The following FKBP10 variants were observed in gnomAD, a reference collection of about 807,000 sequenced individuals.
The protein encoded by FKBP10 is FKBP prolyl isomerase 10.
In FKBP10, 34 loss-of-function variants were observed where a neutral mutation model predicts 53.7. The observed-to-expected ratio is 0.63, with a 90% confidence interval of 0.48 to 0.84. The LOEUF (loss-of-function observed/expected upper bound fraction) is 0.84. Among genes scored for constraint, FKBP10 ranks in the 40% least tolerant of loss-of-function variants. The pLI, the probability that FKBP10 is intolerant of heterozygous loss-of-function variation, is 0.00. For missense variants in FKBP10, 748 were observed against 797.8 expected (o/e 0.94, Z 0.75); for synonymous variants, 324 against 335.7 (o/e 0.97, Z 0.38).
At position 41,820,961 on chromosome 17, in the gene FKBP10, C is replaced by T. The variant is rs782550716; in HGVS notation, c.1271C>T (p.Ala424Val). Residue 424 changes from alanine to valine, a missense_variant, in exon 8 of 10, where the codon GCC becomes GTC. By Grantham distance (64) the Ala-to-Val change is moderately conservative. Transcript: ENST00000321562. ...TQLFTSHDYG[A>V]PQEATLGANK... ...CTCTCCCCCAGGCATGACTACGGGGCCCCCCAGGAGGCGACTCTCGGGGCC... is the reference window on the plus strand; with the variant it reads ...CTCTCCCCCAGGCATGACTACGGGGTCCCCCAGGAGGCGACTCTCGGGGCC... 1.2e-5 allele frequency: 20 copies of T among 1,611,810 alleles called. No homozygotes were observed. The highest frequency in any genetic ancestry group is 1.7e-4 in the Middle Eastern group (1 of 6,024).
chr17:41,820,937 T>C lies in FKBP10; in HGVS notation c.1257-10T>C, dbSNP rs1555616937. 1.2e-6 allele frequency: 2 copies of C among 1,610,574 alleles called. No homozygotes were observed. Among genetic ancestry groups the C allele is most frequent in the Non-Finnish European group, 8.5e-7 (1 of 1,178,998 alleles). ...GGTGGCTGCTGACCTGGGCATCTGC[T>C]CTCCCCCAGGCATGACTACGGGGCC... On this transcript the variant is annotated splice_polypyrimidine_tract_variant and intron_variant, in intron 7 of 9. Coordinates refer to ENST00000321562, the MANE Select transcript of FKBP10 (RefSeq NM_021939.4).
At chr17:41,820,612 C>T (rs1195472780) in intron 7 of FKBP10, 151 bp downstream of exon 7, 2 of 828,550 alleles carry the variant, frequency 2.4e-6, no homozygotes, top group African/African-American at 1.7e-5. Context: ...AAGTCCCCAT[C>T]TCGGAGCATG....
chr17:41,819,563 C>A lies in FKBP10; in HGVS notation c.951C>A (p.Ile317=). The change falls in exon 6 of 10, where the codon ATC becomes ATA. Residue 317 remains isoleucine, a synonymous_variant. Transcript: ENST00000321562. ...GCAACCACACCTACAATACCTATAT[C>A]GGGCAGGGTTACATCATCCCCGGGA... is the stretch of plus-strand genomic sequence containing the variant. The part of the protein sequence containing the change: ...YSRNHTYNTY[I]GQGYIIPGMD... 6.2e-7 allele frequency: 1 copy of A among 1,614,130 alleles called. No homozygotes were observed. The highest frequency in any genetic ancestry group is 8.5e-7 in the Non-Finnish European group (1 of 1,180,016).
At position 41,818,383 on chromosome 17, in the gene FKBP10, T is replaced by C. The variant is rs1006871209; in HGVS notation, c.583T>C (p.Tyr195His). The change falls in exon 4 of 10, where the codon TAC becomes CAC. Residue 195 changes from tyrosine to histidine, a missense_variant and splice_region_variant. By Grantham distance (83) the Tyr-to-His change is moderately conservative (BLOSUM62 2). Coordinates refer to ENST00000321562, the MANE Select transcript of FKBP10 (RefSeq NM_021939.4). ...LLDGTSFDTS[Y>H]SKGGTYDTYV... ...CCACCTCCACCTCATTTTCTGCAGC[T>C]ACAGTAAGGGCGGCACTTATGACAC... The C allele has an allele frequency of 3.1e-6, 5 of 1,614,174 alleles. No homozygotes were observed. The highest frequency in any genetic ancestry group is 1.6e-4 in the Middle Eastern group (1 of 6,062).
At chr17:41,814,651 G>T (rs2144046057) in intron 1 of FKBP10, among the ~76,000 whole-genome samples, 1 of 152,312 alleles carries the variant, frequency 6.6e-6, no homozygotes, top group African/African-American at 2.4e-5. Context: ...CTGAGCCCTT[G>T]ACTGCTAGGA....
intron 8 of FKBP10, 109 bp downstream of exon 8, chr17:41,821,198 C>T: frequency 1.5e-6 from 2 of 1,314,740 alleles, no homozygotes; most frequent in Non-Finnish European, 2.0e-6. Flanking sequence ...TCTCAGCTCA[C>T]TGCAACCTCC....
Position 41,822,209 on chromosome 17 carries a change from C to T in FKBP10, c.1564-14C>T. On this transcript the variant is annotated splice_polypyrimidine_tract_variant and intron_variant, in intron 9 of 9. Transcript: ENST00000321562. ...ACCCTCACTGCCCGCTCCCCCGGCT[C>T]TCCCCTGCCCCAGTTCTCCACCTTC... 1 of 1,609,810 alleles carries T rather than the reference C, an allele frequency of 6.2e-7. No homozygotes were observed. Among genetic ancestry groups the T allele is most frequent in the Non-Finnish European group, 8.5e-7 (1 of 1,177,942 alleles).
rs782631088 is a variant in FKBP10 at position 41,818,394 on chromosome 17, C to T, written c.594C>T (p.Gly198=). ...TCATTTTCTGCAGCTACAGTAAGGG[C>T]GGCACTTATGACACCTACGTCGGCT... The part of the protein sequence containing the change: ...GTSFDTSYSK[G]GTYDTYVGSG... The change falls in exon 4 of 10, where the codon GGC becomes GGT. Residue 198 remains glycine, a synonymous_variant. Transcript: ENST00000321562. 9 of 1,614,164 alleles carry T rather than the reference C, an allele frequency of 5.6e-6. No individual in the cohort carries two copies. The highest frequency in any genetic ancestry group is 5.0e-5 in the Admixed American group (3 of 60,016).
At position 41,821,656 on chromosome 17, in the gene FKBP10, C is replaced by T. The variant is rs542334549; in HGVS notation, c.1402C>T (p.Arg468Trp). 59 of 1,613,844 alleles carry T rather than the reference C, an allele frequency of 3.7e-5. No individual in the cohort carries two copies. Among genetic ancestry groups the T allele is most frequent in the Middle Eastern group, 3.4e-4 (2 of 5,912 alleles). Residue 468 changes from arginine (R) to tryptophan (W), a missense_variant and splice_region_variant, in exon 9 of 10, where the codon CGG (arginine) becomes TGG (tryptophan). Physicochemically the swap from Arg to Trp is moderately radical, Grantham distance 101. Transcript: ENST00000321562. ...CTTCTCTCCTGCCCTCCCTCCAGCC[C>T]GGGGAGTCCCAGGCAGTGCTGTGCT... ...PHLAHGESGARGVPGSAVLLF... is the reference protein window; with the variant it reads ...PHLAHGESGAWGVPGSAVLLF...
At chr17:41,817,725 C>G (rs1362343564) in intron 2 of FKBP10, among the ~76,000 whole-genome samples, 2 of 151,430 alleles carry the variant, frequency 1.3e-5, no homozygotes, top group Non-Finnish European at 2.9e-5. Context: ...GCCTCCTGGG[C>G]TCAAGCAGTC....
rs951543906 is a variant in FKBP10 at position 41,818,418 on chromosome 17, C to T, written c.618C>T (p.Gly206=). ...SKGGTYDTYV[G]SGWLIKGMDQ... is the part of the protein sequence containing the mutation. ...GCGGCACTTATGACACCTACGTCGG[C>T]TCTGGTTGGCTGATCAAGGGCATGG... is the stretch of plus-strand genomic sequence containing the variant. Residue 206 remains glycine, a synonymous_variant, in exon 4 of 10, where the codon GGC becomes GGT. Coordinates refer to ENST00000321562, the MANE Select transcript of FKBP10 (RefSeq NM_021939.4). 1.2e-6 allele frequency: 2 copies of T among 1,614,192 alleles called. No individual in the cohort carries two copies. The highest frequency in any genetic ancestry group is 1.7e-5 in the Admixed American group (1 of 60,018).
intron 1 of FKBP10, among the ~76,000 whole-genome samples, chr17:41,814,723 C>A: frequency 6.6e-6 from 1 of 152,048 alleles, no homozygotes; most frequent in Non-Finnish European, 1.5e-5. Flanking sequence ...GAGCCCAGCT[C>A]ATGAGTGTTG....
chr17:41,816,188 A>G (rs537550032), intron 1 of FKBP10, among the ~76,000 whole-genome samples: 1 of 151,650 alleles, frequency 6.6e-6, no homozygotes, highest in Non-Finnish European at 1.5e-5. Context: ...AAAGTGTATA[A>G]CTAAAAACAA....
intron 4 of FKBP10, 48 bp from the exon 5 acceptor site, chr17:41,819,162 C>T (rs2047854711): frequency 6.2e-7 from 1 of 1,602,794 alleles, no homozygotes; most frequent in South Asian, 1.1e-5. Flanking sequence ...AAGAAGGAGC[C>T]TCGGCTTGCT....
Position 41,822,882 on chromosome 17 carries a change from GA to G in FKBP10, c.*476del. The G allele has an allele frequency of 3.9e-6, 1 of 258,220 alleles. No homozygotes were observed. Among genetic ancestry groups the G allele is most frequent in the Non-Finnish European group, 7.6e-6 (1 of 132,256 alleles). 16.0% of individuals were successfully genotyped at this position (258,220 alleles called of 1,614,324 possible). ...ATCCTGACTGGCTCCTAGGGAAGGG[GA>G]AGGCTCCTGGAGGGCAGCCCTACCT... is the stretch of plus-strand genomic sequence containing the variant. On this transcript the variant is annotated 3_prime_UTR_variant, in exon 10 of 10. Transcript: ENST00000321562.
At chr17:41,821,129 T>A (rs2144067254) in intron 8 of FKBP10, 40 bp downstream of exon 8, 1 of 1,502,770 alleles carries the variant, frequency 6.7e-7, no homozygotes, top group East Asian at 2.5e-5. Flanking sequence ...TTTTTTTTTT[T>A]TTTTTTTTTT....
chr17:41,819,475 T>G (rs2047861650), intron 5 of FKBP10, 55 bp from the exon 6 acceptor site: 1 of 1,613,764 alleles, frequency 6.2e-7, no homozygotes, highest in Non-Finnish European at 8.5e-7. Flanking sequence ...CTGAGCTGCC[T>G]GGAAGGGGAG....
In FKBP10 at chr17:41,820,371, C is replaced by T. The variant is rs782419189; in HGVS notation, c.1166C>T (p.Ser389Phe). 1 of 1,614,210 alleles carries T rather than the reference C, an allele frequency of 6.2e-7. No individual in the cohort carries two copies. The highest frequency in any genetic ancestry group is 1.1e-5 in the South Asian group (1 of 91,088). ...VVEIRTLSRP[S>F]ETCNETTKLG... ...GAAATCAGGACACTGTCCCGGCCATCTGAGACCTGCAATGAGACCACCAAG... is the reference window on the plus strand; with the variant it reads ...GAAATCAGGACACTGTCCCGGCCATTTGAGACCTGCAATGAGACCACCAAG... Residue 389 changes from serine (S) to phenylalanine (F), a missense_variant, in exon 7 of 10, where the codon TCT (serine) becomes TTT (phenylalanine). Physicochemically the swap from Ser to Phe is radical, Grantham distance 155. Coordinates refer to ENST00000321562, the MANE Select transcript of FKBP10 (RefSeq NM_021939.4).
intron 1 of FKBP10, 117 bp downstream of exon 1, chr17:41,813,396 CT>C: frequency 7.3e-7 from 1 of 1,370,802 alleles, no homozygotes; most frequent in African/African-American, 1.4e-5. Flanking sequence ...GACAGCACCC[CT>C]GGGGCCTCCC....
Sources: allele counts gnomAD v4.1 joint callset (sites outside exome capture counted in the v4.1 genomes callset), GRCh38; gene constraint gnomAD v4.1.1; transcripts MANE v1.5; gene names NCBI Gene and HGNC (gene_info 2026-07-23, HGNC 2026-07-21).